Variants in ASNS observed in about 807,000 individuals in gnomAD.
ASNS encodes the protein asparagine synthetase [glutamine-hydrolyzing].
ASNS carries 37 observed loss-of-function variants against 62.6 expected under a neutral mutation model. The observed-to-expected ratio is 0.59, with a 90% CI of 0.45 to 0.78. The LOEUF (loss-of-function observed/expected upper bound fraction) is 0.78. ASNS is among the 30% of genes least tolerant of loss of function. ASNS has a pLI of 0.00. For missense variants in ASNS, 520 were observed against 682.4 expected, an observed-to-expected ratio of 0.76 and a Z score of 2.65; for synonymous variants, 207 against 237.9, an observed-to-expected ratio of 0.87 and a Z score of 1.19.
chr7:97,925,038 G>C, the ASNS span, among the ~76,000 whole-genome samples: 1 of 152,220 alleles, frequency 6.6e-6, no homozygotes, highest in Non-Finnish European at 1.5e-5. Context: ...TCGGGAGGCT[G>C]AGGCAGGAGA....
the ASNS span, among the ~76,000 whole-genome samples, chr7:97,885,517 T>C: frequency 3.3e-5 from 5 of 152,212 alleles, no homozygotes; most frequent in Non-Finnish European, 5.9e-5. Flanking sequence ...CTCTCTCCAT[T>C]TATACATTCT....
upstream of ASNS, among the ~76,000 whole-genome samples, chr7:97,873,816 C>T (rs1249758831): frequency 6.8e-6 from 1 of 147,248 alleles, no homozygotes; most frequent in African/African-American, 2.5e-5. Flanking sequence ...GTATCTCCTG[C>T]TTGTCCGTCC....
chr7:97,875,462 C>T (rs6945593), upstream of ASNS, among the ~76,000 whole-genome samples: 7 of 152,290 alleles, frequency 4.6e-5, no homozygotes, highest in African/African-American at 9.6e-5. Context: ...TTCTTGGTCA[C>T]GTTGCATGTC....
At chr7:97,862,658 G>C (rs1791779948) in intron 4 of ASNS, among the ~76,000 whole-genome samples, 1 of 151,994 alleles carries the variant, frequency 6.6e-6, no homozygotes, top group East Asian at 1.9e-4. Flanking sequence ...TCTAATAAAT[G>C]TAGCACAGTA....
In ASNS at chr7:97,859,260, T is replaced by A. The variant is rs1175725379; in HGVS notation, c.626A>T (p.Asp209Val). 6.2e-7 allele frequency: 1 copy of A among 1,614,096 alleles called. No individual in the cohort carries two copies. The highest frequency in any genetic ancestry group is 1.7e-5 in the Admixed American group (1 of 60,018). The change falls in exon 5 of 13, where the codon GAT becomes GTT. Residue 209 changes from aspartate to valine, a missense_variant. Physicochemically the swap from Asp to Val is radical, Grantham distance 152. Transcript: ENST00000394308. The stretch of plus-strand genomic sequence containing the variant: ...GTCATAGAGGGCGTGCAGGGGTACA[T>A]CCCGACAGTGATGATATTTAACCAT... Reference protein sequence around the residue: ...VEMVKYHHCRDVPLHALYDNV... With the variant: ...VEMVKYHHCRVVPLHALYDNV...
At position 97,869,005 on chromosome 7, in the gene ASNS, G is replaced by A. The variant is rs747714170; in HGVS notation, c.152C>T (p.Ala51Val). ...CATTCCAAACAGCGGGTCAACTACC[G>A]CCAACCGGTGAAATCCAAAGCAGCA... ...TNCCFGFHRL[A>V]VVDPLFGMQP... The change falls in exon 3 of 13, where the codon GCG (alanine) becomes GTG (valine). Residue 51 changes from alanine to valine, a missense_variant. Physicochemically the swap from Ala to Val is moderately conservative, Grantham distance 64 (BLOSUM62 0). Coordinates refer to ENST00000394308, the MANE Select transcript of ASNS (RefSeq NM_001673.5). The A allele has an allele frequency of 9.3e-6, 15 of 1,613,996 alleles. No individual in the cohort carries two copies. Among genetic ancestry groups the A allele is most frequent in the South Asian group, 4.4e-5 (4 of 91,078 alleles).
the ASNS span, among the ~76,000 whole-genome samples, chr7:97,903,689 A>C: frequency 6.6e-6 from 1 of 152,184 alleles, no homozygotes; most frequent in African/African-American, 2.4e-5. Context: ...CTGCATCTCA[A>C]AGCAGGCTCT....
At chr7:97,872,058 C>T (rs1792298419) in intron 1 of ASNS, 1 of 152,304 alleles carries the variant, frequency 6.6e-6, no homozygotes, top group South Asian at 2.1e-4. Flanking sequence ...CAAACTGCCG[C>T]TGCCTCCTCT....
chr7:97,890,836 AC>A, the ASNS span, among the ~76,000 whole-genome samples: 1 of 152,240 alleles, frequency 6.6e-6, no homozygotes, highest in Non-Finnish European at 1.5e-5. Context: ...TTGTGGTCCT[AC>A]AAGAAATGTT....
chr7:97,926,078 C>T, the ASNS span, among the ~76,000 whole-genome samples: 1 of 124,018 alleles, frequency 8.1e-6, no homozygotes, highest in African/African-American at 3.1e-5. Context: ...ACCATAAACA[C>T]ATGCCCTGCA....
At chr7:97,864,709 G>A (rs766396922) in intron 3 of ASNS, among the ~76,000 whole-genome samples, 32 of 152,128 alleles carry the variant, frequency 2.1e-4, no homozygotes, top group Non-Finnish European at 4.4e-4. Flanking sequence ...GAAAATTTTA[G>A]TTGCAGTCTG....
At chr7:97,928,295 G>C in the ASNS span, 1 of 1,497,238 alleles carries the variant, frequency 6.7e-7, no homozygotes, top group South Asian at 1.2e-5. Context: ...CGGAAGGGCT[G>C]GCCATGGCTC....
the ASNS span, chr7:97,886,199 G>A: frequency 3.9e-6 from 1 of 256,122 alleles, no homozygotes; most frequent in African/African-American, 2.2e-5. Context: ...CCAGGCTGGA[G>A]GGCAGTGGCA....
At chr7:97,904,354 G>A in the ASNS span, among the ~76,000 whole-genome samples, 4 of 149,638 alleles carry the variant, frequency 2.7e-5, no homozygotes, top group African/African-American at 9.9e-5. Flanking sequence ...GGTCAGAATA[G>A]GTGAGGTTTT....
the ASNS span, among the ~76,000 whole-genome samples, chr7:97,925,746 C>T: frequency 3.3e-5 from 5 of 152,330 alleles, no homozygotes; most frequent in East Asian, 9.6e-4. Context: ...ATTTCAGGGA[C>T]TCCAGTGAGT....
the ASNS span, among the ~76,000 whole-genome samples, chr7:97,896,266 T>G: frequency 6.6e-6 from 1 of 151,802 alleles, no homozygotes; most frequent in African/African-American, 2.4e-5. Flanking sequence ...AGAACAAAGC[T>G]AGAAGCCTCA....
rs1791582222 is a variant in ASNS, at chr7:97,858,862, A to G, written c.767T>C (p.Leu256Pro). The change falls in exon 6 of 13, where the codon CTT (leucine) becomes CCT (proline). Residue 256 changes from leucine to proline, a missense_variant. Physicochemically the swap from Leu to Pro is moderately conservative, Grantham distance 98 (BLOSUM62 -3). Transcript: ENST00000394308. ...RLMTDRRIGCLLSGGLDSSLV... is the reference protein window; with the variant it reads ...RLMTDRRIGCPLSGGLDSSLV... ...TTTTTAATTGACTTCACCTGATAAAAGGCAGCCAATCCTTCTGTCTGTCAT... is the reference window on the plus strand; with the variant it reads ...TTTTTAATTGACTTCACCTGATAAAGGGCAGCCAATCCTTCTGTCTGTCAT... 1.9e-6 allele frequency: 3 copies of G among 1,611,160 alleles called. No homozygotes were observed. The highest frequency in any genetic ancestry group is 2.5e-6 in the Non-Finnish European group (3 of 1,179,336).
At chr7:97,880,599 TGGCA>T in the ASNS span, among the ~76,000 whole-genome samples, 1 of 152,134 alleles carries the variant, frequency 6.6e-6, no homozygotes, top group South Asian at 2.1e-4. Context: ...GATTCTGACT[TGGCA>T]GGTCAGAATT....
At chr7:97,927,999 G>A in the ASNS span, 108 of 782,646 alleles carry the variant, frequency 1.4e-4, no homozygotes, top group African/African-American at 1.6e-3. Flanking sequence ...GGCAGGCCAC[G>A]GAGCCTCCCG....
Sources: gnomAD v4.1 joint callset for allele counts (sites outside exome capture counted in the v4.1 genomes callset) on GRCh38, gnomAD v4.1.1 for gene constraint, MANE v1.5 for transcripts, NCBI Gene and HGNC (gene_info 2026-07-23, HGNC 2026-07-21) for gene names.